FRMPD3: variants seen among roughly 807,000 people sequenced by gnomAD.
FRMPD3 encodes the protein FERM and PDZ domain-containing protein 3.
FRMPD3 carries 42 observed loss-of-function variants against 97.9 expected under a neutral mutation model. The ratio of observed to expected loss-of-function variants is 0.43; its 90% CI spans 0.34 to 0.55. The LOEUF (loss-of-function observed/expected upper bound fraction) is 0.55. Ranked by LOEUF, FRMPD3 falls within the 20% of genes least tolerant of loss-of-function variation. The pLI is 0.03. For missense variants in FRMPD3, 1,303 were observed against 1,457.7 expected, an observed-to-expected ratio of 0.89 and a Z score of 1.73; for synonymous variants, 577 against 581.1, an observed-to-expected ratio of 0.99 and a Z score of 0.10.
chrX:107,463,784 T>A (rs1376027360), intron 1 of FRMPD3, among the ~76,000 whole-genome samples: 1 of 112,776 alleles, frequency 8.9e-6, no homozygotes, highest in Admixed American at 9.4e-5. Context: ...TGCAAATATG[T>A]CACTTGGGAA....
Position 107,601,905 on chromosome X carries a change from C to T in FRMPD3, c.3866C>T (p.Pro1289Leu). 1 of 1,195,871 alleles carries T rather than the reference C, an allele frequency of 8.4e-7. No individual in the cohort carries two copies. The highest frequency in any genetic ancestry group is 1.1e-6 in the Non-Finnish European group (1 of 888,778). ...CGCAGCAGCCCTGTGCAGCAGGGGC[C>T]TGGCATGTCCCGTGAGCAGAGGCGC... ...QLRSSPVQQG[P>L]GMSREQRRSC... is the part of the protein sequence containing the mutation. The change falls in exon 15 of 15, where the codon CCT (proline) becomes CTT (leucine). Residue 1289 changes from proline to leucine, a missense_variant. Physicochemically the swap from Pro to Leu is moderately conservative, Grantham distance 98. Around this residue, in one of 3 missense-constraint regions of FRMPD3, gnomAD observed 764 missense variants for 820.2 expected, o/e 0.93. Coordinates refer to ENST00000683843, the MANE Select transcript of FRMPD3 (RefSeq NM_001388459.1).
rs961441594 is a variant in FRMPD3 at position 107,560,307 on chromosome X, G to A, written c.813G>A (p.Glu271=). 1.7e-6 allele frequency: 2 copies of A among 1,206,181 alleles called. No homozygotes were observed. The highest frequency in any genetic ancestry group is 3.5e-5 in the African/African-American group (2 of 56,367). The change falls in exon 9 of 15, where the codon GAG becomes GAA. Residue 271 remains glutamate (E), a synonymous_variant. Transcript: ENST00000683843. ...RERFGMDPKP[E]MLLGLAALHI... ...GCTTTGGAATGGATCCCAAGCCAGA[G>A]ATGCTTTTGGGCCTTGCTGCGCTCC...
At chrX:107,584,127 A>G (rs1453291926) in intron 13 of FRMPD3, among the ~76,000 whole-genome samples, 1 of 110,950 alleles carries the variant, frequency 9.0e-6, no homozygotes, top group Non-Finnish European at 1.9e-5. Flanking sequence ...TTGGCCTCCC[A>G]AAGTGTTTGG....
chrX:107,538,944 C>T (rs1921153571), intron 4 of FRMPD3, among the ~76,000 whole-genome samples: 1 of 112,622 alleles, frequency 8.9e-6, no homozygotes, highest in Admixed American at 9.4e-5. Context: ...CAGGCGTGAG[C>T]CACCACACCT....
chrX:107,524,453 G>A (rs769858280), intron 1 of FRMPD3, among the ~76,000 whole-genome samples: 1 of 112,341 alleles, frequency 8.9e-6, no homozygotes, highest in African/African-American at 3.2e-5. Flanking sequence ...CTCCCGAAGG[G>A]GTGACAGACA....
intron 1 of FRMPD3, among the ~76,000 whole-genome samples, chrX:107,474,408 A>C (rs972392683): frequency 9.0e-6 from 1 of 111,567 alleles, no homozygotes; most frequent in Non-Finnish European, 1.9e-5. Context: ...GAGAATAAAG[A>C]AGAAAAAGCA....
rs770279042 is a variant in FRMPD3 at position 107,601,784 on chromosome X, T to A, written c.3745T>A (p.Phe1249Ile). Residue 1249 changes from phenylalanine to isoleucine, a missense_variant, in exon 15 of 15, where the codon TTC becomes ATC. Physicochemically the swap from Phe to Ile is conservative, Grantham distance 21. Around this residue, in one of 3 missense-constraint regions of FRMPD3, gnomAD observed 764 missense variants for 820.2 expected, o/e 0.93. Coordinates refer to ENST00000683843, the MANE Select transcript of FRMPD3 (RefSeq NM_001388459.1). ...LQKVKQYELE[F>I]LEELLKPPSQ... Reference sequence around the variant, plus strand: ...GAAGGTAAAGCAGTATGAACTGGAGTTCCTTGAGGAACTTCTAAAGCCACC... The same window carrying A: ...GAAGGTAAAGCAGTATGAACTGGAGATCCTTGAGGAACTTCTAAAGCCACC... The A allele has an allele frequency of 8.3e-7, 1 of 1,206,869 alleles. No homozygotes were observed. Among genetic ancestry groups the A allele is most frequent in the African/African-American group, 1.8e-5 (1 of 56,460 alleles).
intron 14 of FRMPD3, among the ~76,000 whole-genome samples, chrX:107,599,149 T>C (rs1461566266): frequency 6.4e-5 from 7 of 110,167 alleles, no homozygotes; most frequent in African/African-American, 1.7e-4. Context: ...GGTGCACACC[T>C]GTAGTCTCAG....
intron 1 of FRMPD3, among the ~76,000 whole-genome samples, chrX:107,472,758 C>T (rs185647020): frequency 8.9e-6 from 1 of 112,076 alleles, no homozygotes; most frequent in Non-Finnish European, 1.9e-5. Flanking sequence ...TCCTTTTTCC[C>T]TTTATCACTT....
chrX:107,557,837 A>G (rs1922167251), intron 8 of FRMPD3, among the ~76,000 whole-genome samples: 1 of 72,450 alleles, frequency 1.4e-5, no homozygotes. Context: ...ATATATATAT[A>G]TATAGATCTA....
intron 13 of FRMPD3, among the ~76,000 whole-genome samples, chrX:107,580,643 C>T (rs1353649856): frequency 9.0e-6 from 1 of 111,661 alleles, no homozygotes; most frequent in African/African-American, 3.3e-5. Context: ...GCACCTGGTA[C>T]ATCCCCAGGA....
intron 1 of FRMPD3, among the ~76,000 whole-genome samples, chrX:107,484,500 A>G (rs1455862400): frequency 8.9e-6 from 1 of 112,664 alleles, no homozygotes. Context: ...GGGAGAGAGC[A>G]AGACAGTAGA....
chrX:107,494,039 A>G (rs926219985), intron 1 of FRMPD3, among the ~76,000 whole-genome samples: 21 of 111,115 alleles, frequency 1.9e-4, no homozygotes, highest in African/African-American at 6.9e-4. Context: ...GAGTGCAGGC[A>G]GAAGAGGAAG....
chrX:107,516,703 G>A (rs1458684437), intron 1 of FRMPD3, among the ~76,000 whole-genome samples: 27 of 110,253 alleles, frequency 2.4e-4, no homozygotes, highest in South Asian at 7.7e-4. Flanking sequence ...CATATCCTTC[G>A]CCCACTTGTT....
chrX:107,499,938 A>G (rs1921865220), intron 1 of FRMPD3, among the ~76,000 whole-genome samples: 1 of 111,270 alleles, frequency 9.0e-6, no homozygotes, highest in Non-Finnish European at 1.9e-5. Flanking sequence ...GCCCTCCAAA[A>G]CACCAATACT....
At chrX:107,522,357 G>A in intron 1 of FRMPD3, 1 of 541,937 alleles carries the variant, frequency 1.8e-6, no homozygotes. Flanking sequence ...GGAGTGAACA[G>A]GCTCAGAGAC....
chrX:107,472,969 T>C (rs1921102469), intron 1 of FRMPD3, among the ~76,000 whole-genome samples: 1 of 112,380 alleles, frequency 8.9e-6, no homozygotes, highest in African/African-American at 3.2e-5. Flanking sequence ...TACCCAGCCC[T>C]GACTCAGACC....
chrX:107,571,247 G>A (rs1052987524), intron 12 of FRMPD3, among the ~76,000 whole-genome samples: 18 of 112,029 alleles, frequency 1.6e-4, no homozygotes, highest in African/African-American at 5.5e-4. Flanking sequence ...TACATTACAC[G>A]TCATGATCAT....
Position 107,550,118 on chromosome X carries a change from A to G in FRMPD3, c.472A>G (p.Ile158Val), listed in dbSNP as rs757937999. Residue 158 changes from isoleucine (I) to valine (V), a missense_variant, in exon 6 of 15, where the codon ATC becomes GTC. By Grantham distance (29) the Ile-to-Val change is conservative. Coordinates refer to ENST00000683843, the MANE Select transcript of FRMPD3 (RefSeq NM_001388459.1). The stretch of plus-strand genomic sequence containing the variant: ...GAAGGTTTTCTTAGAAAATGGGCAG[A>G]TCAAGTCATTCACATTTGATGGTCG... ...VLKVFLENGQ[I>V]KSFTFDGRTT... is the part of the protein sequence containing the mutation. 1 of 1,204,679 alleles carries G rather than the reference A, an allele frequency of 8.3e-7. No individual in the cohort carries two copies. The highest frequency in any genetic ancestry group is 1.1e-6 in the Non-Finnish European group (1 of 890,577).
Sources: gnomAD v4.1 joint callset for allele counts (sites outside exome capture counted in the v4.1 genomes callset) on GRCh38, gnomAD v4.1.1 for gene constraint, gnomAD v4.1.1 regional missense constraint, MANE v1.5 for transcripts, NCBI Gene and HGNC (gene_info 2026-07-23, HGNC 2026-07-21) for gene names.